PREX2: variants seen among roughly 807,000 people sequenced by gnomAD.
PREX2 encodes phosphatidylinositol 3,4,5-trisphosphate-dependent Rac exchanger 2 protein.
A neutral mutation model predicts 203.2 loss-of-function variants in PREX2; 107 were observed. The observed-to-expected ratio is 0.53, with a 90% CI of 0.45 to 0.62. The LOEUF is 0.62. PREX2 is among the 20% of genes least tolerant of loss of function. The pLI is 0.00. For synonymous variants in PREX2, 672 were observed against 663.6 expected (o/e 1.01, Z -0.19); for missense variants, 1,777 against 1,955.9 (o/e 0.91, Z 1.72).
intron 1 of PREX2, among the ~76,000 whole-genome samples, chr8:67,977,794 C>T (rs1033735407): frequency 3.9e-5 from 6 of 152,116 alleles, no homozygotes; most frequent in Non-Finnish European, 5.9e-5. Context: ...GTTTGGGGGG[C>T]TTCTGAATAG....
At chr8:67,980,331 A>G (rs1806229948) in intron 1 of PREX2, among the ~76,000 whole-genome samples, 1 of 152,202 alleles carries the variant, frequency 6.6e-6, no homozygotes, top group African/African-American at 2.4e-5. Context: ...TATTGCAGTA[A>G]CCTGGGACTG....
chr8:68,125,045 A>T (rs896990958), intron 30 of PREX2, among the ~76,000 whole-genome samples: 1 of 152,110 alleles, frequency 6.6e-6, no homozygotes, highest in African/African-American at 2.4e-5. Context: ...ATTTTGCTTC[A>T]TCTCAATGGA....
rs1168773628 is a variant in PREX2 at position 67,978,200 on chromosome 8, C to G, written c.141+25665C>G. Reference sequence around the variant, plus strand: ...CTTGGTGTGTGGGGAAATCTCCCCCCTCCTCTCCCCCCGCACATACACCTT... The same window carrying G: ...CTTGGTGTGTGGGGAAATCTCCCCCGTCCTCTCCCCCCGCACATACACCTT... On this transcript the variant is annotated intron_variant, in intron 1 of 39. Coordinates refer to ENST00000288368, the MANE Select transcript of PREX2 (RefSeq NM_024870.4). 5.3e-5 allele frequency among the ~76,000 whole-genome samples: 8 copies of G among 152,208 alleles called. No homozygotes were observed. In the East Asian group the frequency reaches 1.6e-3, roughly 30 times the overall value.
At chr8:68,023,514 A>G (rs1045353136) in intron 4 of PREX2, among the ~76,000 whole-genome samples, 37 of 152,212 alleles carry the variant, frequency 2.4e-4, no homozygotes, top group Non-Finnish European at 4.1e-4. Context: ...TATTTCAGAT[A>G]TAAGTCCTAT....
At chr8:67,964,870 T>C (rs1335786001) in intron 1 of PREX2, among the ~76,000 whole-genome samples, 2 of 152,150 alleles carry the variant, frequency 1.3e-5, no homozygotes, top group African/African-American at 4.8e-5. Context: ...AGTTCCTATT[T>C]GGGAGAGTGG....
chr8:68,001,139 AATT>A, intron 1 of PREX2, among the ~76,000 whole-genome samples: 1 of 152,300 alleles, frequency 6.6e-6, no homozygotes, highest in Middle Eastern at 3.4e-3. Flanking sequence ...CAGCCAAAGA[AATT>A]ATCAGCAAAC....
chr8:68,117,306 C>T (rs1377519615), intron 26 of PREX2, among the ~76,000 whole-genome samples: 1 of 152,178 alleles, frequency 6.6e-6, no homozygotes, highest in Non-Finnish European at 1.5e-5. Context: ...ACCTATGAGA[C>T]CAGGTGGTCT....
At chr8:68,210,179 C>G (rs1375857322) in intron 37 of PREX2, among the ~76,000 whole-genome samples, 2 of 151,970 alleles carry the variant, frequency 1.3e-5, no homozygotes, top group African/African-American at 4.8e-5. Context: ...TTAATCCCAC[C>G]CTCGATTTTA....
chr8:67,995,608 A>G (rs913418203), intron 1 of PREX2, among the ~76,000 whole-genome samples: 4 of 152,196 alleles, frequency 2.6e-5, no homozygotes, highest in African/African-American at 9.6e-5. Flanking sequence ...AGCTATGTAA[A>G]TATTTACTTC....
chr8:68,132,973 ATT>A (rs1480879171), intron 31 of PREX2, among the ~76,000 whole-genome samples: 1 of 152,158 alleles, frequency 6.6e-6, no homozygotes, highest in Non-Finnish European at 1.5e-5. Flanking sequence ...AAGTGGGTGT[ATT>A]GGTCTATTTT....
At chr8:68,200,773 A>G (rs566362047) in intron 37 of PREX2, among the ~76,000 whole-genome samples, 43 of 152,290 alleles carry the variant, frequency 2.8e-4, no homozygotes, top group African/African-American at 9.9e-4. Flanking sequence ...TAGTTCTGAC[A>G]TCTAGGAATC....
rs548791760 is a variant in PREX2, at chr8:68,109,120, G to A, written c.2939-296G>A. The A allele has an allele frequency of 9.0e-6, 4 of 443,824 alleles. No individual in the cohort carries two copies. In the East Asian group the frequency reaches 2.1e-4, roughly 23 times the overall value. The allele number at this position is 443,824 out of a possible 1,614,324, so 27.5% of individuals were successfully genotyped here. On this transcript the variant is annotated intron_variant, in intron 24 of 39. Transcript: ENST00000288368. ...AATCAGATAAGAGGAATAAGTTCAA[G>A]AGATATATTGTATAACATGCTGAGT...
chr8:68,038,873 C>T (rs1808111110), intron 7 of PREX2, among the ~76,000 whole-genome samples: 1 of 152,130 alleles, frequency 6.6e-6, no homozygotes, highest in Admixed American at 6.6e-5. Context: ...GACCTGAAAG[C>T]CCACTTTCTC....
At chr8:68,050,546 C>A (rs59883919) in intron 8 of PREX2, among the ~76,000 whole-genome samples, 3,505 of 152,284 alleles carry the variant, frequency 0.023, 123 homozygotes, top group African/African-American at 0.079. Context: ...GGCTCCACCT[C>A]CAACTTTGGG....
intron 24 of PREX2, chr8:68,108,965 A>T (rs1810475850): frequency 2.3e-6 from 1 of 429,812 alleles, no homozygotes; most frequent in Non-Finnish European, 4.6e-6. Flanking sequence ...CAAATACTAT[A>T]TGATCTCATT....
intron 10 of PREX2, among the ~76,000 whole-genome samples, chr8:68,058,191 C>T (rs747355420): frequency 6.6e-6 from 1 of 152,164 alleles, no homozygotes; most frequent in Admixed American, 6.5e-5. Flanking sequence ...TATTCTCGAC[C>T]TCTCACTCTT....
Position 67,955,170 on chromosome 8 carries a change from A to AAAT in PREX2, c.141+2636_141+2637insATA, listed in dbSNP as rs1554556251. On this transcript the variant is annotated intron_variant, in intron 1 of 39. Transcript: ENST00000288368. ...CTCAAAAAAAAAAAAAAAAAAAAAA[A>AAAT]AGAAATCATATGGCTAGAGGGAAAA... Among the ~76,000 whole-genome samples, 116 of 139,462 alleles carry AAAT rather than the reference A, an allele frequency of 8.3e-4. 3 individuals are homozygous for AAAT. The highest frequency in any genetic ancestry group is 2.0e-3 in the African/African-American group (72 of 36,596). The allele number at this position is 139,462 out of a possible 152,430, so 91.5% of individuals were successfully genotyped here.
chr8:68,145,362 T>A (rs1811305481), intron 33 of PREX2, among the ~76,000 whole-genome samples: 1 of 152,200 alleles, frequency 6.6e-6, no homozygotes, highest in Non-Finnish European at 1.5e-5. Context: ...GAATCTGTGA[T>A]CATAAATGCC....
At position 68,192,409 on chromosome 8, in the gene PREX2, T is replaced by G. The variant is rs779698537; in HGVS notation, c.4488T>G (p.Ala1496=). 6.2e-7 allele frequency: 1 copy of G among 1,614,036 alleles called. No individual in the cohort carries two copies. Among genetic ancestry groups the G allele is most frequent in the Non-Finnish European group, 8.5e-7 (1 of 1,179,918 alleles). The part of the protein sequence containing the change: ...VASFIRSKRT[A]ACANTACSAS... ...CGTTTATCAGATCCAAGCGCACAGC[T>G]GCCTGTGCAAACACAGCTTGCAGTG... Residue 1496 remains alanine (A), a synonymous_variant, in exon 37 of 40, where the codon GCT becomes GCG. Transcript: ENST00000288368.
Sources: allele counts gnomAD v4.1 joint callset (sites outside exome capture counted in the v4.1 genomes callset), GRCh38; gene constraint gnomAD v4.1.1; transcripts MANE v1.5; gene names NCBI Gene and HGNC (gene_info 2026-07-23, HGNC 2026-07-21).